Variants in ZNF469 observed in about 807,000 individuals in gnomAD.
The protein encoded by ZNF469 is zinc finger protein 469.
In ZNF469, 1 loss-of-function variant was observed where a neutral mutation model predicts 1.0. That is an observed-to-expected ratio of 1.00 (90% CI 0.35 to 4.73). The LOEUF (loss-of-function observed/expected upper bound fraction) is 4.73, where lower values mean the gene tolerates loss of function less well. ZNF469 is among the 30% of genes most tolerant of loss of function. The pLI, the probability that ZNF469 is intolerant of heterozygous loss-of-function variation, is 0.16. For missense variants in ZNF469, 6,100 were observed against 5,356.3 expected (o/e 1.14, Z -4.33); for synonymous variants, 2,703 against 2,363.4 (o/e 1.14, Z -4.17).
chr16:88,141,258 A>C, the ZNF469 span, among the ~76,000 whole-genome samples: 5 of 152,272 alleles, frequency 3.3e-5, no homozygotes, highest in African/African-American at 1.2e-4. Flanking sequence ...GGACGTCTTC[A>C]GTTACATAAG....
chr16:88,301,366 G>A, the ZNF469 span, among the ~76,000 whole-genome samples: 13 of 152,146 alleles, frequency 8.5e-5, no homozygotes, highest in Non-Finnish European at 1.5e-5. Context: ...ATGTTAGCCA[G>A]GATGGTCTCA....
chr16:88,325,769 G>A, the ZNF469 span, among the ~76,000 whole-genome samples: 76,452 of 152,040 alleles, frequency 0.5, 19,955 homozygotes, highest in Middle Eastern at 0.6. Context: ...TCCGTGTGAC[G>A]GCTACCCTGG....
the ZNF469 span, among the ~76,000 whole-genome samples, chr16:88,331,977 C>T: frequency 0.036 from 5,478 of 152,318 alleles, 338 homozygotes; most frequent in African/African-American, 0.12. Flanking sequence ...ATGGCAGTGA[C>T]TTGCCCAAGG....
chr16:88,395,935 A>G (rs770269261), intron 1 of ZNF469, among the ~76,000 whole-genome samples: 19 of 152,238 alleles, frequency 1.2e-4, no homozygotes, highest in Non-Finnish European at 2.1e-4. Flanking sequence ...ACCCTGGGCC[A>G]CCCCAGGTGA....
the ZNF469 span, among the ~76,000 whole-genome samples, chr16:88,158,812 C>T: frequency 6.6e-6 from 1 of 152,074 alleles, no homozygotes; most frequent in Non-Finnish European, 1.5e-5. Flanking sequence ...TGGGGGGCAC[C>T]GGGCAGTGCA....
the ZNF469 span, among the ~76,000 whole-genome samples, chr16:88,270,439 G>A: frequency 2.0e-5 from 3 of 152,220 alleles, no homozygotes; most frequent in Non-Finnish European, 4.4e-5. Context: ...TGGAGGGTAT[G>A]GAAAATGGGG....
the ZNF469 span, among the ~76,000 whole-genome samples, chr16:88,187,441 C>T: frequency 1.6e-4 from 24 of 152,214 alleles, no homozygotes; most frequent in Non-Finnish European, 2.9e-5. Flanking sequence ...GGCTCCTAAA[C>T]GCAACATCTC....
the ZNF469 span, among the ~76,000 whole-genome samples, chr16:88,138,641 C>A: frequency 6.6e-6 from 1 of 152,216 alleles, no homozygotes; most frequent in Non-Finnish European, 1.5e-5. Context: ...AAGCCATCAC[C>A]AGATTAACCT....
the ZNF469 span, among the ~76,000 whole-genome samples, chr16:88,210,738 T>C: frequency 1.3e-5 from 2 of 152,164 alleles, no homozygotes; most frequent in African/African-American, 4.8e-5. Context: ...TATTCAGAGG[T>C]CCTCAGGTCT....
rs1042617748 is a variant in ZNF469 at position 88,436,967 on chromosome 16, G to A, written c.9497G>A (p.Arg3166Lys). The change falls in exon 3 of 3, where the codon AGG becomes AAG. Residue 3166 changes from arginine to lysine, a missense_variant. Transcript: ENST00000565624. ...RELLRGHLQE[R>K]HAQSKAGPWA... The stretch of plus-strand genomic sequence containing the variant: ...CTGCTGCGGGGGCACCTGCAGGAGA[G>A]GCACGCGCAGAGCAAGGCCGGGCCC... The A allele has an allele frequency of 1.3e-6, 2 of 1,505,390 alleles. No homozygotes were observed. Among genetic ancestry groups the A allele is most frequent in the East Asian group, 2.5e-5 (1 of 40,446 alleles). The allele number at this position is 1,505,390 out of a possible 1,614,324, so 93.3% of individuals were successfully genotyped here.
the ZNF469 span, among the ~76,000 whole-genome samples, chr16:88,346,658 C>G: frequency 1.3e-5 from 2 of 152,210 alleles, no homozygotes; most frequent in Non-Finnish European, 1.5e-5. Flanking sequence ...GCTGGGACTA[C>G]AGGTGCGCAC....
chr16:88,392,470 G>A lies in ZNF469; in HGVS notation c.-192+9216G>A, dbSNP rs8048982. 3.6e-3 allele frequency among the ~76,000 whole-genome samples: 547 copies of A among 152,330 alleles called. 3 individuals are homozygous for A. The highest frequency in any genetic ancestry group is 0.012 in the African/African-American group (503 of 41,568). On this transcript the variant is annotated intron_variant, in intron 1 of 2. Coordinates refer to ENST00000565624, the MANE Select transcript of ZNF469 (RefSeq NM_001367624.2). ...TTTGTGTCCATCACGGACCTCTTTC[G>A]TCTCTGAGAGTTCGTTCCTTAAAAT...
the ZNF469 span, among the ~76,000 whole-genome samples, chr16:88,339,068 G>A: frequency 6.6e-6 from 1 of 150,758 alleles, no homozygotes. Context: ...GTCCTGGAGG[G>A]GGCGTGCCTG....
At chr16:88,143,088 G>A in the ZNF469 span, among the ~76,000 whole-genome samples, 2,306 of 152,224 alleles carry the variant, frequency 0.015, 60 homozygotes, top group African/African-American at 0.052. Context: ...GCACTTCACC[G>A]ACACCCGGTG....
chr16:88,142,114 C>A, the ZNF469 span, among the ~76,000 whole-genome samples: 1 of 152,196 alleles, frequency 6.6e-6, no homozygotes, highest in Non-Finnish European at 1.5e-5. Context: ...TCCAGGGGAA[C>A]AACACAGCGA....
In ZNF469 at chr16:88,428,889, G is replaced by A; in HGVS notation, c.1419G>A (p.Arg473=). ...ACGGCCAGCCCAGCCCAGGCCAGCGGCTCTGCCTCCCCCAGAGTGCCCCCC... is the reference window on the plus strand; with the variant it reads ...ACGGCCAGCCCAGCCCAGGCCAGCGACTCTGCCTCCCCCAGAGTGCCCCCC... ...FFNGQPSPGQ[R]LCLPQSAPLP... Residue 473 remains arginine (R), a synonymous_variant, in exon 3 of 3, where the codon CGG becomes CGA. Transcript: ENST00000565624. 6.5e-7 allele frequency: 1 copy of A among 1,547,744 alleles called. No homozygotes were observed. Among genetic ancestry groups the A allele is most frequent in the South Asian group, 1.2e-5 (1 of 83,976 alleles).
At chr16:88,412,235 G>C (rs1164253444) in intron 1 of ZNF469, among the ~76,000 whole-genome samples, 2 of 152,192 alleles carry the variant, frequency 1.3e-5, no homozygotes, top group Non-Finnish European at 1.5e-5. Flanking sequence ...TAACACGTCT[G>C]CCAGTCCCAC....
In ZNF469 at chr16:88,430,228, G is replaced by A. The variant is rs1379079593; in HGVS notation, c.2758G>A (p.Ala920Thr). ...TPRPGDRGCP[A>T]RGRPKTRSLG... ...CCGCCCTGGGGACAGGGGCTGCCCA[G>A]CCCGAGGCAGGCCCAAAACGCGTTC... Residue 920 changes from alanine (A) to threonine (T), a missense_variant, in exon 3 of 3, where the codon GCC (alanine) becomes ACC (threonine). Physicochemically the swap from Ala to Thr is moderately conservative, Grantham distance 58. Coordinates refer to ENST00000565624, the MANE Select transcript of ZNF469 (RefSeq NM_001367624.2). 2.0e-6 allele frequency: 3 copies of A among 1,535,536 alleles called. No homozygotes were observed. Among genetic ancestry groups the A allele is most frequent in the African/African-American group, 1.4e-5 (1 of 72,724 alleles).
At chr16:88,258,552 G>A in the ZNF469 span, among the ~76,000 whole-genome samples, 1 of 152,108 alleles carries the variant, frequency 6.6e-6, no homozygotes, top group East Asian at 1.9e-4. Flanking sequence ...AGAAGTTTAA[G>A]GCAGTAATAT....
Sources: gnomAD v4.1 joint callset for allele counts (sites outside exome capture counted in the v4.1 genomes callset) on GRCh38, gnomAD v4.1.1 for gene constraint, MANE v1.5 for transcripts, NCBI Gene and HGNC (gene_info 2026-07-23, HGNC 2026-07-21) for gene names.